TAFA1: variants seen among roughly 807,000 people sequenced by gnomAD.
The protein encoded by TAFA1 is TAFA chemokine like family member 1, also known as chemokine-like protein TAFA-1.
TAFA1 carries 4 observed loss-of-function variants against 18.5 expected under a neutral mutation model. The observed-to-expected ratio is 0.22, with a 90% CI of 0.11 to 0.49. TAFA1 has a LOEUF of 0.49. TAFA1 is among the 20% of genes least tolerant of loss of function. The pLI is 0.98. For synonymous variants in TAFA1, 56 were observed against 55.2 expected, an observed-to-expected ratio of 1.01 and a Z score of -0.06; for missense variants, 147 against 169.0, an observed-to-expected ratio of 0.87 and a Z score of 0.72.
At chr3:68,273,998 T>A (rs559621790) in intron 2 of TAFA1, among the ~76,000 whole-genome samples, 1 of 152,292 alleles carries the variant, frequency 6.6e-6, no homozygotes, top group African/African-American at 2.4e-5. Flanking sequence ...GATTTGCTCT[T>A]ACCAGCTTTC....
At chr3:68,530,162 T>C (rs2073170171) in intron 3 of TAFA1, among the ~76,000 whole-genome samples, 1 of 152,230 alleles carries the variant, frequency 6.6e-6, no homozygotes, top group East Asian at 1.9e-4. Context: ...CTGAATTTGA[T>C]TATCTACTGA....
chr3:68,048,152 A>G (rs2064414986), intron 2 of TAFA1, among the ~76,000 whole-genome samples: 1 of 152,134 alleles, frequency 6.6e-6, no homozygotes, highest in African/African-American at 2.4e-5. Context: ...ACAAGTGGAA[A>G]CATTCTTATA....
intron 2 of TAFA1, among the ~76,000 whole-genome samples, chr3:68,093,094 G>A (rs949386197): frequency 6.6e-6 from 1 of 151,938 alleles, no homozygotes; most frequent in Non-Finnish European, 1.5e-5. Flanking sequence ...CAAAATCCTG[G>A]GTGGCATTAA....
chr3:68,272,672 GAA>G (rs1212999188), intron 2 of TAFA1, among the ~76,000 whole-genome samples: 1 of 152,094 alleles, frequency 6.6e-6, no homozygotes, highest in Non-Finnish European at 1.5e-5. Context: ...CCTCATCTAT[GAA>G]AGAAAATATT....
At chr3:68,380,217 G>C (rs916614337) in intron 2 of TAFA1, among the ~76,000 whole-genome samples, 1 of 152,034 alleles carries the variant, frequency 6.6e-6, no homozygotes, top group African/African-American at 2.4e-5. Context: ...GAATACTGCC[G>C]CAATAAACAT....
At chr3:68,183,929 T>A (rs2066238322) in intron 2 of TAFA1, among the ~76,000 whole-genome samples, 1 of 152,138 alleles carries the variant, frequency 6.6e-6, no homozygotes, top group African/African-American at 2.4e-5. Context: ...CAGTGAGGGA[T>A]GTAAGCTAAC....
At chr3:68,136,078 A>G (rs2065603282) in intron 2 of TAFA1, among the ~76,000 whole-genome samples, 1 of 152,164 alleles carries the variant, frequency 6.6e-6, no homozygotes, top group South Asian at 2.1e-4. Context: ...ATGAGGGCAA[A>G]TAGAATAGTT....
chr3:68,233,203 TA>T (rs1254227350), intron 2 of TAFA1, among the ~76,000 whole-genome samples: 1 of 152,124 alleles, frequency 6.6e-6, no homozygotes, highest in African/African-American at 2.4e-5. Flanking sequence ...TGAGTTTATT[TA>T]ATTTTTTTTA....
intron 2 of TAFA1, among the ~76,000 whole-genome samples, chr3:68,252,895 A>G (rs1007133117): frequency 3.3e-5 from 5 of 152,162 alleles, no homozygotes; most frequent in Non-Finnish European, 5.9e-5. Context: ...TGTTCTCATG[A>G]TAGTGAATAA....
chr3:68,417,547 C>T (rs1008189973), intron 3 of TAFA1, 127 bp downstream of exon 3: 2 of 840,170 alleles, frequency 2.4e-6, no homozygotes, highest in Non-Finnish European at 3.7e-6. Flanking sequence ...GAAAGTTATA[C>T]AATTGCCAGC....
intron 2 of TAFA1, among the ~76,000 whole-genome samples, chr3:68,118,405 C>A (rs1412373129): frequency 6.6e-6 from 1 of 152,156 alleles, no homozygotes; most frequent in Non-Finnish European, 1.5e-5. Context: ...GATGAAGCTT[C>A]CCTTGCTCAC....
At chr3:68,410,831 G>A (rs34683725) in intron 2 of TAFA1, among the ~76,000 whole-genome samples, 1 of 147,358 alleles carries the variant, frequency 6.8e-6, no homozygotes, top group African/African-American at 2.5e-5. Context: ...ATGAAATTTA[G>A]AAATGGATAG....
chr3:68,103,944 G>A (rs1284400294), intron 2 of TAFA1, among the ~76,000 whole-genome samples: 2 of 152,042 alleles, frequency 1.3e-5, no homozygotes, highest in African/African-American at 4.8e-5. Flanking sequence ...TTGAACCCAG[G>A]TCTTCAGACA....
chr3:68,185,999 G>A (rs182251445), intron 2 of TAFA1, among the ~76,000 whole-genome samples: 8 of 152,196 alleles, frequency 5.3e-5, no homozygotes, highest in East Asian at 3.9e-4. Flanking sequence ...TGCTGAGCAT[G>A]AAGCCTGCTC....
At chr3:68,297,641 T>C (rs2068232723) in intron 2 of TAFA1, among the ~76,000 whole-genome samples, 1 of 152,206 alleles carries the variant, frequency 6.6e-6, no homozygotes, top group Non-Finnish European at 1.5e-5. Context: ...GTGAAGTAGA[T>C]AATATTATTG....
rs376547316 is a variant in TAFA1 at position 68,289,467 on chromosome 3, C to T, written c.119-127813C>T. Among the ~76,000 whole-genome samples the T allele has an allele frequency of 6.2e-5, 8 of 129,484 alleles. No individual in the cohort carries two copies. In the East Asian group the frequency reaches 1.7e-3, roughly 27 times the overall value. 84.9% of individuals were successfully genotyped at this position (129,484 alleles called of 152,430 possible). A position where few individuals can be genotyped will look rare whatever the true frequency, so the allele number is the denominator to read the frequency against. Reference sequence around the variant, plus strand: ...AATTAGAGCTACATCTGCCCAGAAACATATTTTGGTGTTAGTGTGAGAGTC... The same window carrying T: ...AATTAGAGCTACATCTGCCCAGAAATATATTTTGGTGTTAGTGTGAGAGTC... On this transcript the variant is annotated intron_variant, in intron 2 of 4. Coordinates refer to ENST00000478136, the MANE Select transcript of TAFA1 (RefSeq NM_213609.4).
At chr3:67,999,764 A>G (rs1057124362), upstream of TAFA1, among the ~76,000 whole-genome samples, 1 of 151,758 alleles carries the variant, frequency 6.6e-6, no homozygotes, top group African/African-American at 2.4e-5. Context: ...AGGCTAACAC[A>G]GGACAAGGTG....
intron 2 of TAFA1, among the ~76,000 whole-genome samples, chr3:68,292,548 A>T (rs1245489903): frequency 6.6e-6 from 1 of 152,110 alleles, no homozygotes. Context: ...TTTTTAAAAG[A>T]CAAGGTCTCA....
chr3:68,386,690 G>A (rs2070112394), intron 2 of TAFA1, among the ~76,000 whole-genome samples: 1 of 152,132 alleles, frequency 6.6e-6, no homozygotes, highest in South Asian at 2.1e-4. Flanking sequence ...TGATGAATTA[G>A]TTTTGTAGAC....
Sources: gnomAD v4.1 joint callset for allele counts (sites outside exome capture counted in the v4.1 genomes callset) on GRCh38, gnomAD v4.1.1 for gene constraint, MANE v1.5 for transcripts, NCBI Gene and HGNC (gene_info 2026-07-23, HGNC 2026-07-21) for gene names.